The following KALRN variants were observed in gnomAD, a reference collection of about 807,000 sequenced individuals.
KALRN encodes kalirin.
KALRN carries 70 observed loss-of-function variants against 353.7 expected under a neutral mutation model. The observed-to-expected ratio is 0.20, with a 90% confidence interval of 0.16 to 0.24. The LOEUF is 0.24. Ranked by LOEUF, KALRN falls within the 10% of genes least tolerant of loss-of-function variation. KALRN has a pLI of 1.00. For missense variants in KALRN, 2,791 were observed against 3,756.7 expected (o/e 0.74, Z 6.72); for synonymous variants, 1,391 against 1,434.8 (o/e 0.97, Z 0.69).
chr3:124,686,903 C>T (rs1240237870), intron 51 of KALRN, among the ~76,000 whole-genome samples: 1 of 146,486 alleles, frequency 6.8e-6, no homozygotes, highest in Non-Finnish European at 1.5e-5. Context: ...CAGCACTAAC[C>T]TCCCAGGCTC....
chr3:124,586,959 C>G (rs1018855069), intron 34 of KALRN, among the ~76,000 whole-genome samples: 1 of 152,172 alleles, frequency 6.6e-6, no homozygotes, highest in African/African-American at 2.4e-5. Context: ...AAACAGTCTC[C>G]ACTCAGCCTG....
rs558505518 is a variant in KALRN, at chr3:124,288,086, G to C, written c.970-10705G>C. On this transcript the variant is annotated intron_variant, in intron 5 of 59. Transcript: ENST00000682506. ...GATGGGGTTTCGCCTTGTTGGCCAG[G>C]CTGGTCTCGAGCTCCTGACCTCAGG... Among the ~76,000 whole-genome samples, 8 of 152,014 alleles carry C rather than the reference G, an allele frequency of 5.3e-5. No individual in the cohort carries two copies. In the South Asian group the frequency reaches 1.2e-3, roughly 24 times the overall value.
chr3:124,405,215 C>T (rs2091380404), intron 13 of KALRN, among the ~76,000 whole-genome samples: 1 of 152,170 alleles, frequency 6.6e-6, no homozygotes, highest in African/African-American at 2.4e-5. Flanking sequence ...GGATTTTTCA[C>T]ACAGCTTTAG....
chr3:124,228,113 TG>T (rs1438786249), intron 2 of KALRN, 49 bp downstream of exon 2: 1 of 1,373,682 alleles, frequency 7.3e-7, no homozygotes, highest in Non-Finnish European at 1.0e-6. Flanking sequence ...AGAAGTTGTG[TG>T]TGTGCACATG....
chr3:124,225,271 T>G (rs1423074281), intron 1 of KALRN, among the ~76,000 whole-genome samples: 1 of 152,234 alleles, frequency 6.6e-6, no homozygotes, highest in Non-Finnish European at 1.5e-5. Context: ...AAGTTATATG[T>G]AATTTAATTT....
intron 56 of KALRN, among the ~76,000 whole-genome samples, chr3:124,701,450 C>T (rs144110778): frequency 2.1e-5 from 3 of 142,748 alleles, no homozygotes; most frequent in East Asian, 2.1e-4. Context: ...TGCAGTGGCG[C>T]GATCATAGCT....
Position 124,334,389 on chromosome 3 carries a change from A to C in KALRN, c.1541A>C (p.His514Pro). The C allele has an allele frequency of 6.2e-7, 1 of 1,614,212 alleles. No homozygotes were observed. The highest frequency in any genetic ancestry group is 8.5e-7 in the Non-Finnish European group (1 of 1,180,004). ...GTGCACCAGGTGCTGGACGTGGTGC[A>C]TGAGGTGTTACATCACCAGCGACGG... Reference protein sequence around the residue: ...KAVHQVLDVVHEVLHHQRRLE... With the variant: ...KAVHQVLDVVPEVLHHQRRLE... Residue 514 changes from histidine to proline, a missense_variant, in exon 9 of 60, where the codon CAT becomes CCT. His to Pro is a moderately conservative substitution (Grantham distance 77). This residue lies in a region of KALRN where 366 missense variants were observed against 489.2 expected (regional missense o/e 0.75). Coordinates refer to ENST00000682506, the MANE Select transcript of KALRN (RefSeq NM_001388419.1). This position sits in a 1 kb window ranked among gnomAD's most constrained non-coding sequence, Gnocchi z 4.2.
intron 32 of KALRN, among the ~76,000 whole-genome samples, chr3:124,494,062 C>T (rs2063458981): frequency 6.6e-6 from 1 of 152,208 alleles, no homozygotes; most frequent in African/African-American, 2.4e-5. Context: ...AGAGGATACT[C>T]AGGTGAGGCT....
At chr3:124,085,784 C>T (rs2060786195) in intron 1 of KALRN, among the ~76,000 whole-genome samples, 1 of 152,184 alleles carries the variant, frequency 6.6e-6, no homozygotes, top group Non-Finnish European at 1.5e-5. Flanking sequence ...TAAAATTTTA[C>T]AAAACACAAT....
chr3:124,342,261 A>G (rs1049023143), intron 9 of KALRN, among the ~76,000 whole-genome samples: 1 of 152,148 alleles, frequency 6.6e-6, no homozygotes. Context: ...TAGGATATCC[A>G]TCACCCAAAT....
intron 28 of KALRN, among the ~76,000 whole-genome samples, chr3:124,485,485 T>G (rs1020262305): frequency 2.6e-5 from 4 of 152,186 alleles, no homozygotes; most frequent in African/African-American, 9.7e-5. Flanking sequence ...GTTCGGGAAT[T>G]GAGTGTTTTA....
rs1366064489 is a variant in KALRN at position 124,422,838 on chromosome 3, A to G, written c.2569A>G (p.Ile857Val). Residue 857 changes from isoleucine (I) to valine (V), a missense_variant, in exon 15 of 60, where the codon ATT (isoleucine) becomes GTT (valine). Coordinates refer to ENST00000682506, the MANE Select transcript of KALRN (RefSeq NM_001388419.1). ...AATTGAGTTGATCTGTGAAAAAGAC[A>G]TTGATCTGGCAGCCCAGGTGCAAGA... ...SGIELICEKDIDLAAQVQELL... is the reference protein window; with the variant it reads ...SGIELICEKDVDLAAQVQELL... 2.5e-6 allele frequency: 4 copies of G among 1,613,908 alleles called. No individual in the cohort carries two copies. Among genetic ancestry groups the G allele is most frequent in the East Asian group, 4.5e-5 (2 of 44,872 alleles).
chr3:124,534,289 C>T (rs954543438), intron 33 of KALRN, among the ~76,000 whole-genome samples: 4 of 152,030 alleles, frequency 2.6e-5, no homozygotes, highest in Non-Finnish European at 4.4e-5. Flanking sequence ...AACCAAACAC[C>T]ACATGTTCTC....
At chr3:124,637,846 G>A (rs1259456872) in intron 37 of KALRN, among the ~76,000 whole-genome samples, 1 of 152,160 alleles carries the variant, frequency 6.6e-6, no homozygotes, top group African/African-American at 2.4e-5. Flanking sequence ...GGGAAAAACT[G>A]AACATAAGCC....
At chr3:124,605,515 G>A (rs1353630583) in intron 34 of KALRN, among the ~76,000 whole-genome samples, 2 of 151,576 alleles carry the variant, frequency 1.3e-5, no homozygotes, top group East Asian at 3.9e-4. Flanking sequence ...GGAGGTTGCA[G>A]TGAGCTGAGA....
At chr3:124,439,178 T>A in intron 18 of KALRN, 141 bp downstream of exon 18, 1 of 635,128 alleles carries the variant, frequency 1.6e-6, no homozygotes, top group Non-Finnish European at 2.6e-6. Flanking sequence ...CTCCTCCTCC[T>A]TCTTCTCCTT....
intron 33 of KALRN, among the ~76,000 whole-genome samples, chr3:124,527,802 C>G (rs1561225951): frequency 6.6e-6 from 1 of 152,018 alleles, no homozygotes; most frequent in Non-Finnish European, 1.5e-5. Context: ...TCAAGAGAAG[C>G]CTTTCTGATA....
At chr3:124,175,590 G>A (rs1331366454) in intron 1 of KALRN, among the ~76,000 whole-genome samples, 1 of 151,900 alleles carries the variant, frequency 6.6e-6, no homozygotes, top group Non-Finnish European at 1.5e-5. Context: ...CCAGGATGTG[G>A]AGGTGCGCGC....
At position 124,445,969 on chromosome 3, in the gene KALRN, C is replaced by T. The variant is rs2093825983; in HGVS notation, c.3314-192C>T. On this transcript the variant is annotated intron_variant, in intron 19 of 59. Coordinates refer to ENST00000682506, the MANE Select transcript of KALRN (RefSeq NM_001388419.1). ...CAATGGGCTCTCCCCCTAGACTCCT[C>T]GACCTTGCTCGTTTCTAGGAAATCC... is the stretch of plus-strand genomic sequence containing the variant. 2.6e-5 allele frequency among the ~76,000 whole-genome samples: 4 copies of T among 152,330 alleles called. No individual in the cohort carries two copies. The Middle Eastern group carries it at 0.01, about 389-fold the overall frequency.
Sources: gnomAD v4.1 joint callset for allele counts (sites outside exome capture counted in the v4.1 genomes callset) on GRCh38, gnomAD v4.1.1 for gene constraint, gnomAD v4.1.1 regional missense constraint, Gnocchi (gnomAD v3.1) non-coding constraint, MANE v1.5 for transcripts, NCBI Gene and HGNC (gene_info 2026-07-23, HGNC 2026-07-21) for gene names.